The following ERC2 variants were observed in gnomAD, a reference collection of about 807,000 sequenced individuals.
ERC2 encodes ELKS/RAB6-interacting/CAST family member 2.
Under a neutral mutation model 114.8 loss-of-function variants are expected in ERC2, and 42 were observed. The observed-to-expected ratio is 0.37, with a 90% CI of 0.29 to 0.47. ERC2 has a LOEUF of 0.47. Among genes scored for constraint, ERC2 ranks in the 20% least tolerant of loss-of-function variants. ERC2 has a pLI of 0.99. For missense variants in ERC2, 939 were observed against 1,150.7 expected, an observed-to-expected ratio of 0.82 and a Z score of 2.66; for synonymous variants, 454 against 425.5, an observed-to-expected ratio of 1.07 and a Z score of -0.82.
At chr3:55,589,215 CAAAAAA>C (rs5849104) in intron 17 of ERC2, among the ~76,000 whole-genome samples, 57 of 99,822 alleles carry the variant, frequency 5.7e-4, no homozygotes, top group Non-Finnish European at 9.2e-4. Context: ...CAGTCACTAC[CAAAAAA>C]AAAAAAAAAA....
intron 15 of ERC2, among the ~76,000 whole-genome samples, chr3:55,731,950 G>A (rs2065275439): frequency 6.6e-6 from 1 of 152,114 alleles, no homozygotes; most frequent in Non-Finnish European, 1.5e-5. Context: ...ATGAAGATAA[G>A]GAGGCCTCAC....
At chr3:55,926,844 ATCT>A (rs2065783118) in intron 13 of ERC2, among the ~76,000 whole-genome samples, 1 of 152,138 alleles carries the variant, frequency 6.6e-6, no homozygotes, top group African/African-American at 2.4e-5. Context: ...GGGTCATGTA[ATCT>A]TCTTGACTTC....
chr3:55,942,829 A>T (rs1365015955), intron 13 of ERC2, among the ~76,000 whole-genome samples: 2 of 152,222 alleles, frequency 1.3e-5, no homozygotes, highest in Non-Finnish European at 2.9e-5. Context: ...CATCTAAATC[A>T]TTGCCTATGT....
chr3:55,634,093 G>C (rs1258261096), intron 17 of ERC2, among the ~76,000 whole-genome samples: 2 of 152,178 alleles, frequency 1.3e-5, no homozygotes, highest in Admixed American at 1.3e-4. Flanking sequence ...TAGCACAAAA[G>C]GGTCTGGTTC....
intron 3 of ERC2, among the ~76,000 whole-genome samples, chr3:56,239,817 G>C (rs987386623): frequency 1.3e-5 from 2 of 152,184 alleles, no homozygotes; most frequent in Non-Finnish European, 2.9e-5. Flanking sequence ...ATATATCACA[G>C]AACTGGCTGA....
intron 14 of ERC2, among the ~76,000 whole-genome samples, chr3:55,761,126 G>C (rs1255085823): frequency 6.6e-6 from 1 of 152,142 alleles, no homozygotes; most frequent in African/African-American, 2.4e-5. Context: ...CAAACGAAAG[G>C]AGAGTGGCTG....
chr3:56,249,395 A>G (rs747595431), intron 3 of ERC2, among the ~76,000 whole-genome samples: 15 of 151,304 alleles, frequency 9.9e-5, no homozygotes, highest in Admixed American at 2.6e-4. Flanking sequence ...GTGCAATCTC[A>G]GCTCACTGCA....
intron 14 of ERC2, among the ~76,000 whole-genome samples, chr3:55,860,541 T>C (rs2061984538): frequency 6.6e-6 from 1 of 152,138 alleles, no homozygotes; most frequent in African/African-American, 2.4e-5. Context: ...CTCTAAACAT[T>C]TACCAAGCCA....
chr3:56,464,859 G>A (rs915162009), intron 1 of ERC2, among the ~76,000 whole-genome samples: 1 of 151,170 alleles, frequency 6.6e-6, no homozygotes, highest in Non-Finnish European at 1.5e-5. Flanking sequence ...ATGTTAACTG[G>A]TTAGAGGATT....
At chr3:56,349,185 A>C (rs1000206328) in intron 2 of ERC2, among the ~76,000 whole-genome samples, 2 of 152,226 alleles carry the variant, frequency 1.3e-5, no homozygotes, top group South Asian at 4.1e-4. Context: ...GGAGTTCTAA[A>C]TGACACAAAT....
chr3:56,419,980 C>T (rs2061324989), intron 2 of ERC2, among the ~76,000 whole-genome samples: 1 of 152,122 alleles, frequency 6.6e-6, no homozygotes, highest in Non-Finnish European at 1.5e-5. Flanking sequence ...CCATCATGTG[C>T]ACTGTCCAAC....
At chr3:56,382,804 C>T (rs928903675) in intron 2 of ERC2, among the ~76,000 whole-genome samples, 1 of 151,748 alleles carries the variant, frequency 6.6e-6, no homozygotes, top group Non-Finnish European at 1.5e-5. Context: ...CAAATTTATA[C>T]CGTTAGGCTT....
chr3:56,236,746 A>G (rs1400730521), intron 3 of ERC2, among the ~76,000 whole-genome samples: 1 of 152,208 alleles, frequency 6.6e-6, no homozygotes, highest in African/African-American at 2.4e-5. Flanking sequence ...ACTAACATCT[A>G]CTAAGTGACA....
chr3:55,782,553 G>A (rs551684147), intron 14 of ERC2, among the ~76,000 whole-genome samples: 2 of 152,192 alleles, frequency 1.3e-5, no homozygotes, highest in African/African-American at 2.4e-5. Flanking sequence ...CTATTTACTC[G>A]ACAAATACAG....
intron 14 of ERC2, among the ~76,000 whole-genome samples, chr3:55,783,942 G>A (rs2069271466): frequency 6.6e-6 from 1 of 152,082 alleles, no homozygotes; most frequent in South Asian, 2.1e-4. Flanking sequence ...TACTCTACAG[G>A]TTACCAGATT....
rs116620963 is a variant in ERC2, at chr3:55,556,771, G to A, written c.*40-45495C>T. 4.1e-3 allele frequency among the ~76,000 whole-genome samples: 629 copies of A among 152,260 alleles called. 7 individuals carry two copies. The highest frequency in any genetic ancestry group is 0.014 in the African/African-American group (581 of 41,546). On this transcript the variant is annotated intron_variant, in intron 17 of 17. Coordinates refer to ENST00000288221, the MANE Select transcript of ERC2 (RefSeq NM_015576.3). ...CCTGGGACCCACCATGCATGAAGGC[G>A]GGTCTCAATCTTCTAATTCCACAAG...
At chr3:55,688,689 C>T (rs1427954868) in intron 16 of ERC2, among the ~76,000 whole-genome samples, 1 of 152,134 alleles carries the variant, frequency 6.6e-6, no homozygotes, top group Non-Finnish European at 1.5e-5. Context: ...TTTACGTGGA[C>T]ATATCAGCAG....
At chr3:55,667,181 T>G (rs1434772672) in intron 17 of ERC2, among the ~76,000 whole-genome samples, 1 of 152,210 alleles carries the variant, frequency 6.6e-6, no homozygotes, top group African/African-American at 2.4e-5. Flanking sequence ...GAATGAAAAC[T>G]TAACAGCATT....
intron 17 of ERC2, among the ~76,000 whole-genome samples, chr3:55,512,857 G>A (rs1224286669): frequency 1.3e-5 from 2 of 152,134 alleles, no homozygotes; most frequent in Admixed American, 6.5e-5. Context: ...CCATTCACCA[G>A]GAGGCCTAAA....
Sources: gnomAD v4.1 joint callset for allele counts (sites outside exome capture counted in the v4.1 genomes callset) on GRCh38, gnomAD v4.1.1 for gene constraint, MANE v1.5 for transcripts, NCBI Gene and HGNC (gene_info 2026-07-23, HGNC 2026-07-21) for gene names.